The following ANKRD55 variants were observed in gnomAD, a reference collection of about 807,000 sequenced individuals.
ANKRD55 encodes ankyrin repeat domain-containing protein 55.
Under a neutral mutation model 60.6 loss-of-function variants are expected in ANKRD55, and 41 were observed. The observed-to-expected ratio is 0.68, with a 90% CI of 0.53 to 0.88. The LOEUF is 0.88. ANKRD55 is among the 40% of genes least tolerant of loss of function. ANKRD55 has a pLI of 0.00. For missense variants in ANKRD55, 732 were observed against 767.6 expected (o/e 0.95, Z 0.55); for synonymous variants, 264 against 290.3 (o/e 0.91, Z 0.92).
At chr5:56,221,872 C>T (rs141453671) in intron 2 of ANKRD55, among the ~76,000 whole-genome samples, 3,985 of 152,304 alleles carry the variant, frequency 0.026, 75 homozygotes, top group Non-Finnish European at 0.04. Flanking sequence ...TGGAGCCCAC[C>T]GCAGTTCAAG....
intron 2 of ANKRD55, among the ~76,000 whole-genome samples, chr5:56,206,909 C>A (rs1020130549): frequency 6.6e-6 from 1 of 152,110 alleles, no homozygotes; most frequent in South Asian, 2.1e-4. Flanking sequence ...TAGTGTCTGC[C>A]GGGGTGGCAG....
intron 2 of ANKRD55, among the ~76,000 whole-genome samples, chr5:56,215,926 C>T (rs1413350611): frequency 6.6e-6 from 1 of 151,794 alleles, no homozygotes; most frequent in African/African-American, 2.4e-5. Context: ...GATTCCCCAA[C>T]CCTGGCATGG....
chr5:56,206,992 T>C lies in ANKRD55; in HGVS notation c.59-23358A>G, dbSNP rs149160833. ...GATCTTCCTATGGGCTGGGATACAA[T>C]GATAGAACCTGAAGAAATGACTGAA... is the stretch of plus-strand genomic sequence containing the variant. On this transcript the variant is annotated intron_variant, in intron 2 of 11. Transcript: ENST00000341048. Among the ~76,000 whole-genome samples, 274 of 152,244 alleles carry C rather than the reference T, an allele frequency of 1.8e-3. 2 individuals are homozygous for C. The highest frequency in any genetic ancestry group is 6.8e-3 in the Middle Eastern group (2 of 294).
At chr5:56,112,511 A>AAAAAC (rs1756753632) in intron 9 of ANKRD55, among the ~76,000 whole-genome samples, 8 of 81,528 alleles carry the variant, frequency 9.8e-5, no homozygotes, top group South Asian at 3.7e-4. Context: ...TAGCAAAAAA[A>AAAAAC]AAAAAAAAAA....
chr5:56,147,190 C>T (rs1202441865), intron 6 of ANKRD55, among the ~76,000 whole-genome samples: 2 of 152,134 alleles, frequency 1.3e-5, no homozygotes, highest in African/African-American at 2.4e-5. Flanking sequence ...GCCTATTTTA[C>T]AGGCAAGGAA....
At chr5:56,153,232 C>T (rs913106768) in intron 6 of ANKRD55, among the ~76,000 whole-genome samples, 1 of 151,656 alleles carries the variant, frequency 6.6e-6, no homozygotes, top group Non-Finnish European at 1.5e-5. Flanking sequence ...AATCCAGCAA[C>T]AACTGGGAAA....
chr5:56,137,330 T>C (rs1757633327), intron 7 of ANKRD55: 5 of 1,529,834 alleles, frequency 3.3e-6, no homozygotes, highest in Middle Eastern at 2.3e-4. Flanking sequence ...AGCATATCCA[T>C]GGGAACAAAG....
intron 5 of ANKRD55, chr5:56,160,917 C>T (rs908398041): frequency 6.6e-6 from 1 of 152,226 alleles, no homozygotes; most frequent in African/African-American, 2.4e-5. Context: ...AGCCCTGCCA[C>T]TGATGAGCTC....
chr5:56,132,797 A>G (rs564520268), intron 7 of ANKRD55, among the ~76,000 whole-genome samples: 26 of 152,326 alleles, frequency 1.7e-4, no homozygotes, highest in Non-Finnish European at 3.1e-4. Flanking sequence ...AATGACACAT[A>G]TAGATTAAAA....
chr5:56,172,187 G>T (rs945003612), intron 4 of ANKRD55, among the ~76,000 whole-genome samples: 3 of 150,906 alleles, frequency 2.0e-5, no homozygotes, highest in Non-Finnish European at 4.4e-5. Flanking sequence ...GATAAGAAAA[G>T]AACCTTTTGG....
chr5:56,219,819 T>C (rs1419625922), intron 2 of ANKRD55, among the ~76,000 whole-genome samples: 1 of 152,210 alleles, frequency 6.6e-6, no homozygotes, highest in African/African-American at 2.4e-5. Flanking sequence ...CTCATGCTTG[T>C]TTTGTAATAA....
intron 2 of ANKRD55, among the ~76,000 whole-genome samples, chr5:56,210,252 T>C (rs972943215): frequency 3.3e-5 from 5 of 152,152 alleles, no homozygotes; most frequent in Admixed American, 2.0e-4. Flanking sequence ...GTTGGTATCC[T>C]TTCTATTGTC....
chr5:56,175,939 G>T (rs775999802), intron 4 of ANKRD55, among the ~76,000 whole-genome samples: 21 of 152,140 alleles, frequency 1.4e-4, no homozygotes, highest in Non-Finnish European at 2.4e-4. Context: ...CTCTATCTTA[G>T]AGGATTGTTA....
chr5:56,141,649 G>T lies in ANKRD55; in HGVS notation c.612+2152C>A, dbSNP rs150681863. On this transcript the variant is annotated intron_variant, in intron 7 of 11. Transcript: ENST00000341048. Reference sequence around the variant, plus strand: ...TGGCACACCCAGAGAGGGCACGGAAGCTCCATGCCTGTTCCCCCATACCCT... The same window carrying T: ...TGGCACACCCAGAGAGGGCACGGAATCTCCATGCCTGTTCCCCCATACCCT... 1.2e-4 allele frequency among the ~76,000 whole-genome samples: 19 copies of T among 152,238 alleles called. No homozygotes were observed. In the East Asian group the frequency reaches 3.7e-3, roughly 29 times the overall value.
intron 5 of ANKRD55, among the ~76,000 whole-genome samples, chr5:56,161,683 T>C (rs138261952): frequency 1.3e-5 from 2 of 152,304 alleles, no homozygotes; most frequent in Non-Finnish European, 2.9e-5. Flanking sequence ...CTGACCTCAC[T>C]ACTGCACGAT....
chr5:56,179,056 C>A (rs6450372), intron 3 of ANKRD55, among the ~76,000 whole-genome samples: 46,156 of 151,730 alleles, frequency 0.3, 12,791 homozygotes, highest in African/African-American at 0.73. Flanking sequence ...TATTTCATAA[C>A]GAAAATTTCA....
rs141921732 is a variant in ANKRD55, at chr5:56,141,089, A to G, written c.612+2712T>C. 5.8e-3 allele frequency among the ~76,000 whole-genome samples: 843 copies of G among 145,644 alleles called. 14 individuals are homozygous for G. Among genetic ancestry groups the G allele is most frequent in the African/African-American group, 0.02 (791 of 39,386 alleles). ...AAAAAATATATCTATCTATATATAT[A>G]TGTGTGTGTGTGTGTATGTGTGTAC... is the stretch of plus-strand genomic sequence containing the variant. On this transcript the variant is annotated intron_variant, in intron 7 of 11. Coordinates refer to ENST00000341048, the MANE Select transcript of ANKRD55 (RefSeq NM_024669.3).
chr5:56,227,379 C>A (rs1431785752), intron 2 of ANKRD55, among the ~76,000 whole-genome samples: 4 of 151,646 alleles, frequency 2.6e-5, no homozygotes, highest in South Asian at 2.1e-4. Context: ...AGGAGATATA[C>A]CTAATGTAAA....
At chr5:56,176,607 T>C (rs1374853085) in intron 3 of ANKRD55, among the ~76,000 whole-genome samples, 1 of 152,142 alleles carries the variant, frequency 6.6e-6, no homozygotes, top group Non-Finnish European at 1.5e-5. Context: ...GCTTGAACCA[T>C]GTAGAATCTA....
Sources: allele counts gnomAD v4.1 joint callset (sites outside exome capture counted in the v4.1 genomes callset), GRCh38; gene constraint gnomAD v4.1.1; transcripts MANE v1.5; gene names NCBI Gene and HGNC (gene_info 2026-07-23, HGNC 2026-07-21).